MAPK10: variants seen among roughly 807,000 people sequenced by gnomAD.
MAPK10 encodes mitogen-activated protein kinase 10.
Under a neutral mutation model 59.3 loss-of-function variants are expected in MAPK10, and 25 were observed. The ratio of observed to expected loss-of-function variants is 0.42; its 90% confidence interval spans 0.31 to 0.59. MAPK10 has a LOEUF of 0.59. Ranked by LOEUF, MAPK10 falls within the 20% of genes least tolerant of loss-of-function variation. The pLI, the probability that MAPK10 is intolerant of heterozygous loss-of-function variation, is 0.15. For missense variants in MAPK10, 351 were observed against 568.9 expected, an observed-to-expected ratio of 0.62 and a Z score of 3.90; for synonymous variants, 190 against 200.5, an observed-to-expected ratio of 0.95 and a Z score of 0.44.
chr4:86,457,348 G>T (rs2149059162), upstream of MAPK10, among the ~76,000 whole-genome samples: 1 of 152,252 alleles, frequency 6.6e-6, no homozygotes, highest in East Asian at 1.9e-4. Flanking sequence ...ATCCCAATTG[G>T]TAAAAAGGAA....
intron 1 of MAPK10, among the ~76,000 whole-genome samples, chr4:86,426,589 T>C (rs1452329819): frequency 6.6e-6 from 1 of 152,222 alleles, no homozygotes; most frequent in African/African-American, 2.4e-5. Flanking sequence ...AAATGTTACA[T>C]ACTGCAGCAC....
intron 10 of MAPK10, 23 bp from the exon 11 acceptor site, chr4:86,064,413 C>T: frequency 1.2e-6 from 2 of 1,612,324 alleles, no homozygotes; most frequent in East Asian, 4.5e-5. Context: ...ATGAGAAAAA[C>T]AATTAGTAAG....
intron 4 of MAPK10, among the ~76,000 whole-genome samples, chr4:86,121,689 A>T (rs2059280464): frequency 1.3e-5 from 2 of 152,270 alleles, no homozygotes; most frequent in South Asian, 4.2e-4. Flanking sequence ...GCTAATTAAC[A>T]TATATATTAC....
intron 3 of MAPK10, among the ~76,000 whole-genome samples, chr4:86,166,421 A>G (rs2071750762): frequency 6.6e-6 from 1 of 151,592 alleles, no homozygotes. Flanking sequence ...GTTATAGAAA[A>G]CTCTCAAAGT....
intron 2 of MAPK10, among the ~76,000 whole-genome samples, chr4:86,251,811 A>G (rs1425742286): frequency 1.5e-5 from 2 of 137,892 alleles, no homozygotes; most frequent in East Asian, 2.0e-4. Context: ...AAGTGTTCCT[A>G]TTTCTCCACA....
chr4:86,267,405 C>T (rs2094287109), intron 2 of MAPK10, among the ~76,000 whole-genome samples: 1 of 152,164 alleles, frequency 6.6e-6, no homozygotes, highest in African/African-American at 2.4e-5. Context: ...AGCTACTCTG[C>T]CCCCTCAAGT....
intron 2 of MAPK10, chr4:86,326,327 G>A (rs1353884288): frequency 6.6e-6 from 1 of 152,200 alleles, no homozygotes; most frequent in African/African-American, 2.4e-5. Flanking sequence ...CTGGATGCAT[G>A]TAAGCAAGGA....
chr4:86,237,876 T>A (rs1189222221), intron 2 of MAPK10, among the ~76,000 whole-genome samples: 4 of 152,236 alleles, frequency 2.6e-5, no homozygotes, highest in African/African-American at 9.6e-5. Context: ...ATTTTTGCTT[T>A]TGTTGCAATT....
At chr4:86,060,895 G>T (rs898238899) in intron 11 of MAPK10, among the ~76,000 whole-genome samples, 3 of 151,988 alleles carry the variant, frequency 2.0e-5, no homozygotes, top group African/African-American at 7.3e-5. Flanking sequence ...CAATTTCCTG[G>T]CCAGCTAGTC....
At chr4:86,449,086 C>T (rs1049105639) in intron 1 of MAPK10, among the ~76,000 whole-genome samples, 2 of 152,048 alleles carry the variant, frequency 1.3e-5, no homozygotes, top group East Asian at 1.9e-4. Flanking sequence ...CCACCCCCAC[C>T]GCACCACCCC....
chr4:86,472,560 C>T (rs1382997460), intron 1 of MAPK10, among the ~76,000 whole-genome samples: 1 of 152,072 alleles, frequency 6.6e-6, no homozygotes, highest in Non-Finnish European at 1.5e-5. Flanking sequence ...GGGAGGATCA[C>T]TTGAGCCAGG....
At chr4:86,567,430 G>A (rs1439528306) in intron 1 of MAPK10, among the ~76,000 whole-genome samples, 1 of 152,162 alleles carries the variant, frequency 6.6e-6, no homozygotes, top group Non-Finnish European at 1.5e-5. Context: ...ATATTGGTCA[G>A]GCTGGTCTCG....
rs73834269 is a variant in MAPK10 at position 86,301,780 on chromosome 4, A to C, written c.-7+52750T>G. ...CAATTATAACAAGTCTGGTTCTCAAATGTCTGATATAGGGTATGATCCAGG... is the reference window on the plus strand; with the variant it reads ...CAATTATAACAAGTCTGGTTCTCAACTGTCTGATATAGGGTATGATCCAGG... On this transcript the variant is annotated intron_variant, in intron 2 of 13. Transcript: ENST00000641462. Among the ~76,000 whole-genome samples the C allele has an allele frequency of 5.7e-3, 873 of 152,280 alleles. 6 individuals carry two copies. The highest frequency in any genetic ancestry group is 0.019 in the African/African-American group (803 of 41,558).
chr4:86,080,881 A>C (rs2050507021), intron 9 of MAPK10: 1 of 152,032 alleles, frequency 6.6e-6, no homozygotes, highest in Non-Finnish European at 1.5e-5. Context: ...ACTCCAAAAT[A>C]AATACCAATA....
At chr4:86,173,442 C>T (rs1241205889) in intron 3 of MAPK10, among the ~76,000 whole-genome samples, 1 of 152,064 alleles carries the variant, frequency 6.6e-6, no homozygotes, top group Non-Finnish European at 1.5e-5. Context: ...ACCTGGACCC[C>T]TTCCTTACAC....
intron 2 of MAPK10, among the ~76,000 whole-genome samples, chr4:86,287,722 TA>T (rs1254605858): frequency 6.6e-6 from 1 of 152,204 alleles, no homozygotes; most frequent in Non-Finnish European, 1.5e-5. Context: ...ACCCAATCAC[TA>T]CCAGAAATAA....
At chr4:86,054,732 C>T (rs1463288550) in intron 11 of MAPK10, among the ~76,000 whole-genome samples, 2 of 152,122 alleles carry the variant, frequency 1.3e-5, no homozygotes, top group African/African-American at 4.8e-5. Flanking sequence ...GAGTTCAACT[C>T]CACACTGAAA....
intron 1 of MAPK10, among the ~76,000 whole-genome samples, chr4:86,469,078 T>A (rs560690258): frequency 6.6e-6 from 1 of 152,164 alleles, no homozygotes; most frequent in African/African-American, 2.4e-5. Flanking sequence ...TGTGGCTTGT[T>A]ATGAAGGCTT....
intron 1 of MAPK10, among the ~76,000 whole-genome samples, chr4:86,548,666 T>C (rs1443407272): frequency 1.3e-5 from 2 of 152,210 alleles, no homozygotes; most frequent in Admixed American, 6.5e-5. Context: ...CATGGAACCA[T>C]GAGCCAATTA....
Sources: allele counts gnomAD v4.1 joint callset (sites outside exome capture counted in the v4.1 genomes callset), GRCh38; gene constraint gnomAD v4.1.1; transcripts MANE v1.5; gene names NCBI Gene and HGNC (gene_info 2026-07-23, HGNC 2026-07-21).